The following PRRX2 variants were observed in gnomAD, a reference collection of about 807,000 sequenced individuals.
The protein encoded by PRRX2 is paired mesoderm homeobox protein 2.
A neutral mutation model predicts 18.0 loss-of-function variants in PRRX2; 11 were observed. The observed-to-expected ratio is 0.61, with a 90% confidence interval of 0.39 to 1.01. PRRX2 has a LOEUF of 1.01. Ranked by LOEUF, PRRX2 falls within the 50% of genes least tolerant of loss-of-function variation. PRRX2 has a pLI of 0.01. For missense variants in PRRX2, 387 were observed against 351.0 expected, an observed-to-expected ratio of 1.10 and a Z score of -0.82; for synonymous variants, 177 against 154.8, an observed-to-expected ratio of 1.14 and a Z score of -1.06.
At chr9:129,711,394 A>C (rs1588173964) in intron 1 of PRRX2, among the ~76,000 whole-genome samples, 1 of 124,692 alleles carries the variant, frequency 8.0e-6, no homozygotes, top group Non-Finnish European at 1.7e-5. Context: ...TTCAGGTGAG[A>C]TTCTCTTTTT....
At chr9:129,691,231 G>A (rs1832357545) in intron 1 of PRRX2, among the ~76,000 whole-genome samples, 1 of 151,836 alleles carries the variant, frequency 6.6e-6, no homozygotes, top group Admixed American at 6.6e-5. Flanking sequence ...CAGCTACATG[G>A]GAGGCTGAGG....
Position 129,675,600 on chromosome 9 carries a change from T to C in PRRX2, c.259+9474T>C, listed in dbSNP as rs1313212384. ...GGCGGCTGCCTTGCCCCAGACTTTG[T>C]CCTCCTGCCCCCACCCCCGCCTCCC... is the stretch of plus-strand genomic sequence containing the variant. On this transcript the variant is annotated intron_variant, in intron 1 of 3. Coordinates refer to ENST00000372469, the MANE Select transcript of PRRX2 (RefSeq NM_016307.4). This position sits in a 1 kb window ranked among gnomAD's most constrained non-coding sequence, Gnocchi z 4.4. Among the ~76,000 whole-genome samples, 1 of 151,844 alleles carries C rather than the reference T, an allele frequency of 6.6e-6. No homozygotes were observed. Among genetic ancestry groups the C allele is most frequent in the Non-Finnish European group, 1.5e-5 (1 of 67,940 alleles).
Position 129,720,858 on chromosome 9 carries a change from T to C in PRRX2, c.626+84T>C. The C allele has an allele frequency of 4.4e-6, 6 of 1,364,808 alleles. No individual in the cohort carries two copies. The South Asian group carries it at 7.9e-5, about 18-fold the overall frequency. 84.5% of individuals were successfully genotyped at this position (1,364,808 alleles called of 1,614,324 possible). ...TTTCCGGCCTGGACTCCTCTGAGGG[T>C]CTGGAGAGAGCTTGAATGGTGTCCA... On this transcript the variant is annotated intron_variant, in intron 3 of 3. Coordinates refer to ENST00000372469, the MANE Select transcript of PRRX2 (RefSeq NM_016307.4).
chr9:129,683,787 G>A (rs1276790160), intron 1 of PRRX2, among the ~76,000 whole-genome samples: 3 of 152,180 alleles, frequency 2.0e-5, no homozygotes, highest in African/African-American at 7.2e-5. Flanking sequence ...CTGCAGTGCT[G>A]TTAAATTCCA....
At chr9:129,697,194 G>A (rs907178866) in intron 1 of PRRX2, among the ~76,000 whole-genome samples, 3 of 152,202 alleles carry the variant, frequency 2.0e-5, no homozygotes, top group African/African-American at 7.2e-5. Context: ...GCCAGGATAG[G>A]AAAGAGCAGT....
chr9:129,688,397 A>G (rs971665337), intron 1 of PRRX2, among the ~76,000 whole-genome samples: 4 of 152,082 alleles, frequency 2.6e-5, no homozygotes, highest in Admixed American at 2.0e-4. Flanking sequence ...GAAGAGCCCC[A>G]TGATATAATG....
intron 1 of PRRX2, among the ~76,000 whole-genome samples, chr9:129,670,143 C>T (rs879373821): frequency 2.7e-5 from 4 of 150,938 alleles, no homozygotes; most frequent in Non-Finnish European, 5.9e-5. Flanking sequence ...CTACAGGGCT[C>T]ACCCGTGTAG....
chr9:129,679,202 A>AC (rs1489426849), intron 1 of PRRX2, among the ~76,000 whole-genome samples: 2 of 152,048 alleles, frequency 1.3e-5, no homozygotes, highest in Non-Finnish European at 2.9e-5. Flanking sequence ...GTGCATGACG[A>AC]CCCTGGGGTG....
chr9:129,668,795 A>AAAAG (rs1374568662), intron 1 of PRRX2, among the ~76,000 whole-genome samples: 7 of 150,392 alleles, frequency 4.7e-5, no homozygotes, highest in Non-Finnish European at 7.4e-5. Flanking sequence ...AAAAAAAAAA[A>AAAAG]AAAGAAAGAA....
chr9:129,678,265 A>C (rs992822787), intron 1 of PRRX2, among the ~76,000 whole-genome samples: 5 of 152,098 alleles, frequency 3.3e-5, no homozygotes, highest in Non-Finnish European at 7.4e-5. Flanking sequence ...TGCCCAGCCT[A>C]GGGGGCGGCT....
intron 1 of PRRX2, among the ~76,000 whole-genome samples, chr9:129,699,473 A>G (rs940666035): frequency 3.9e-4 from 54 of 139,316 alleles, no homozygotes; most frequent in Middle Eastern, 3.6e-3. Context: ...GTGTGTGTGT[A>G]TACATATATC....
At position 129,709,641 on chromosome 9, in the gene PRRX2, C is replaced by T. The variant is rs1348956531; in HGVS notation, c.260-9590C>T. Among the ~76,000 whole-genome samples, 2 of 152,200 alleles carry T rather than the reference C, an allele frequency of 1.3e-5. No homozygotes were observed. Among genetic ancestry groups the T allele is most frequent in the East Asian group, 3.9e-4 (2 of 5,192 alleles). On this transcript the variant is annotated intron_variant, in intron 1 of 3. Transcript: ENST00000372469. The surrounding 1 kb of genome is among the most constrained non-coding windows in gnomAD (Gnocchi z 4.2). Reference sequence around the variant, plus strand: ...CGGCTTCCATCATCACCTTCCTTCCCGGGATGTGTTTCTCCTTCTCCAGGC... The same window carrying T: ...CGGCTTCCATCATCACCTTCCTTCCTGGGATGTGTTTCTCCTTCTCCAGGC...
In PRRX2 at chr9:129,671,119, G is replaced by A. The variant is rs1180722821; in HGVS notation, c.259+4993G>A. On this transcript the variant is annotated intron_variant, in intron 1 of 3. Coordinates refer to ENST00000372469, the MANE Select transcript of PRRX2 (RefSeq NM_016307.4). The surrounding 1 kb of genome is among the most constrained non-coding windows in gnomAD (Gnocchi z 4.0). ...CAGGCTTAGGAACCCCATGATGGGC[G>A]TGTCTCCCTGGGATGTGGGGTCTCT... Among the ~76,000 whole-genome samples, 2 of 152,234 alleles carry A rather than the reference G, an allele frequency of 1.3e-5. No homozygotes were observed. The highest frequency in any genetic ancestry group is 2.1e-4 in the South Asian group (1 of 4,832).
At chr9:129,711,389 G>T (rs974567361) in intron 1 of PRRX2, among the ~76,000 whole-genome samples, 5 of 149,070 alleles carry the variant, frequency 3.4e-5, no homozygotes, top group Non-Finnish European at 7.4e-5. Flanking sequence ...CATTTTTCAG[G>T]TGAGATTCTC....
chr9:129,720,928 G>A (rs1173636575), intron 3 of PRRX2, among the ~76,000 whole-genome samples, 154 bp downstream of exon 3: 1 of 152,206 alleles, frequency 6.6e-6, no homozygotes, highest in Non-Finnish European at 1.5e-5. Flanking sequence ...TGTGGCGAGT[G>A]TGCCTGTGAG....
intron 1 of PRRX2, among the ~76,000 whole-genome samples, chr9:129,696,043 G>A (rs769147563): frequency 6.6e-6 from 1 of 151,846 alleles, no homozygotes; most frequent in Non-Finnish European, 1.5e-5. Context: ...CACATGCTTA[G>A]CCCATAGGAG....
chr9:129,699,851 G>C (rs1252296388), intron 1 of PRRX2, among the ~76,000 whole-genome samples: 1 of 152,172 alleles, frequency 6.6e-6, no homozygotes, highest in African/African-American at 2.4e-5. Context: ...AGGGAGCAGA[G>C]AACTTGGTCT....
At chr9:129,721,729 G>A (rs765035997) in intron 3 of PRRX2, among the ~76,000 whole-genome samples, 22 of 152,086 alleles carry the variant, frequency 1.4e-4, no homozygotes, top group Non-Finnish European at 2.8e-4. Context: ...ACAAACGCCC[G>A]TCACCACGCC....
intron 1 of PRRX2, among the ~76,000 whole-genome samples, chr9:129,674,629 C>T (rs1440696180): frequency 6.6e-6 from 1 of 152,100 alleles, no homozygotes; most frequent in Non-Finnish European, 1.5e-5. Flanking sequence ...CAGAGCTGAG[C>T]GAACACCTCA....
Sources: gnomAD v4.1 joint callset for allele counts (sites outside exome capture counted in the v4.1 genomes callset) on GRCh38, gnomAD v4.1.1 for gene constraint, Gnocchi (gnomAD v3.1) non-coding constraint, MANE v1.5 for transcripts, NCBI Gene and HGNC (gene_info 2026-07-23, HGNC 2026-07-21) for gene names.